The following THRB variants were observed in gnomAD, a reference collection of about 807,000 sequenced individuals.
THRB encodes the protein thyroid hormone receptor beta, also known as nuclear receptor subfamily 1 group A member 2.
Under a neutral mutation model 47.8 loss-of-function variants are expected in THRB, and 12 were observed. The observed-to-expected ratio is 0.25, with a 90% CI of 0.16 to 0.41. The LOEUF (loss-of-function observed/expected upper bound fraction) is 0.41, where lower values mean the gene tolerates loss of function less well. Ranked by LOEUF, THRB falls within the 10% of genes least tolerant of loss-of-function variation. THRB has a pLI of 1.00. For missense variants in THRB, 348 were observed against 589.2 expected (o/e 0.59, Z 4.24); for synonymous variants, 218 against 212.2 (o/e 1.03, Z -0.24).
intron 3 of THRB, among the ~76,000 whole-genome samples, chr3:24,269,418 C>T (rs1182272936): frequency 6.8e-6 from 1 of 146,390 alleles, no homozygotes; most frequent in East Asian, 2.0e-4. Flanking sequence ...CACACACACA[C>T]ACACACACAC....
At chr3:24,389,365 A>G (rs551286420) in intron 1 of THRB, among the ~76,000 whole-genome samples, 72 of 152,328 alleles carry the variant, frequency 4.7e-4, no homozygotes, top group Admixed American at 9.2e-4. Flanking sequence ...AAGAGTTGAG[A>G]CTATAAAAGG....
At chr3:24,165,480 G>T (rs1203703132) in intron 5 of THRB, 2 of 598,230 alleles carry the variant, frequency 3.3e-6, no homozygotes, top group Non-Finnish European at 3.0e-6. Context: ...CATGAAACGC[G>T]AAGGGAAGAT....
chr3:24,296,331 G>A (rs531034606), intron 3 of THRB, among the ~76,000 whole-genome samples: 1 of 152,356 alleles, frequency 6.6e-6, no homozygotes, highest in East Asian at 1.9e-4. Context: ...AGGCAGCGTT[G>A]ATGTGGCTTC....
chr3:24,303,759 A>G (rs2057127113), intron 2 of THRB, among the ~76,000 whole-genome samples: 2 of 152,198 alleles, frequency 1.3e-5, no homozygotes, highest in African/African-American at 4.8e-5. Context: ...GATAGTCTTT[A>G]TCATGTTTAA....
intron 1 of THRB, among the ~76,000 whole-genome samples, chr3:24,407,099 A>T (rs889002210): frequency 6.6e-6 from 1 of 151,830 alleles, no homozygotes; most frequent in African/African-American, 2.4e-5. Context: ...GGCAGTGGGT[A>T]TTGGGCACTG....
chr3:24,489,973 A>G (rs529070742), intron 1 of THRB, among the ~76,000 whole-genome samples: 1 of 152,280 alleles, frequency 6.6e-6, no homozygotes, highest in South Asian at 2.1e-4. Flanking sequence ...TCTCACTGGA[A>G]TTTACATTAA....
chr3:24,349,811 C>T (rs1199248287), intron 1 of THRB, among the ~76,000 whole-genome samples: 1 of 151,646 alleles, frequency 6.6e-6, no homozygotes, highest in African/African-American at 2.4e-5. Flanking sequence ...AGGACACAAA[C>T]AGCATTAACA....
At chr3:24,152,316 T>A in intron 6 of THRB, 74 bp downstream of exon 6, 1 of 804,296 alleles carries the variant, frequency 1.2e-6, no homozygotes, top group Non-Finnish European at 2.2e-6. Flanking sequence ...AAACTTAACA[T>A]TGCATTCTGG....
At chr3:24,330,144 A>C (rs1251244370) in intron 2 of THRB, among the ~76,000 whole-genome samples, 3 of 147,964 alleles carry the variant, frequency 2.0e-5, no homozygotes, top group Non-Finnish European at 4.5e-5. Context: ...TCTCTACTAA[A>C]AATACAAAAA....
intron 2 of THRB, among the ~76,000 whole-genome samples, chr3:24,304,480 T>C (rs1169458968): frequency 6.6e-6 from 1 of 151,962 alleles, no homozygotes; most frequent in Non-Finnish European, 1.5e-5. Flanking sequence ...TATCTAGTAT[T>C]AATAAAAAAG....
intron 1 of THRB, among the ~76,000 whole-genome samples, chr3:24,350,028 T>G (rs1490028168): frequency 3.3e-5 from 5 of 151,950 alleles, no homozygotes; most frequent in Non-Finnish European, 7.4e-5. Flanking sequence ...AATAAATCAT[T>G]AAGAAAAAGA....
intron 6 of THRB, among the ~76,000 whole-genome samples, chr3:24,151,280 C>G (rs2036892865): frequency 6.6e-6 from 1 of 152,128 alleles, no homozygotes; most frequent in Non-Finnish European, 1.5e-5. Context: ...GGAAAATCTT[C>G]CACTAGGGAA....
intron 5 of THRB, among the ~76,000 whole-genome samples, chr3:24,167,851 A>G (rs925007938): frequency 1.3e-5 from 2 of 152,136 alleles, no homozygotes; most frequent in Non-Finnish European, 2.9e-5. Flanking sequence ...AGAAATCTCT[A>G]AATATGCTTG....
chr3:24,130,455 TG>T (rs1208738838), intron 9 of THRB, among the ~76,000 whole-genome samples: 1 of 151,802 alleles, frequency 6.6e-6, no homozygotes, highest in African/African-American at 2.4e-5. Context: ...TCTCAGGGGC[TG>T]GGGGGGCGGT....
intron 3 of THRB, among the ~76,000 whole-genome samples, chr3:24,267,823 C>T (rs9840486): frequency 2.6e-5 from 4 of 152,034 alleles, no homozygotes; most frequent in Non-Finnish European, 5.9e-5. Flanking sequence ...ATCTCTCTCC[C>T]TGACTGCAAC....
intron 2 of THRB, among the ~76,000 whole-genome samples, chr3:24,332,874 G>A (rs528100621): frequency 6.6e-6 from 1 of 152,228 alleles, no homozygotes; most frequent in East Asian, 1.9e-4. Context: ...GGCTAACATG[G>A]TGAAACCCCA....
intron 1 of THRB, among the ~76,000 whole-genome samples, chr3:24,462,517 G>C (rs2073797285): frequency 6.6e-6 from 1 of 152,136 alleles, no homozygotes; most frequent in Non-Finnish European, 1.5e-5. Context: ...TTACATATTA[G>C]AAAATTATCT....
At chr3:24,331,622 T>C (rs1160610913) in intron 2 of THRB, among the ~76,000 whole-genome samples, 2 of 152,152 alleles carry the variant, frequency 1.3e-5, no homozygotes, top group East Asian at 1.9e-4. Context: ...TGCATGTGTG[T>C]ATGAATATAC....
chr3:24,158,571 G>T (rs1016850807), intron 5 of THRB, among the ~76,000 whole-genome samples: 3 of 152,088 alleles, frequency 2.0e-5, no homozygotes, highest in Non-Finnish European at 4.4e-5. Flanking sequence ...TGGGATTACA[G>T]GTGCCTGCCA....
Sources: allele counts gnomAD v4.1 joint callset (sites outside exome capture counted in the v4.1 genomes callset), GRCh38; gene constraint gnomAD v4.1.1; transcripts MANE v1.5; gene names NCBI Gene and HGNC (gene_info 2026-07-23, HGNC 2026-07-21).